The following GALNT2 variants were observed in gnomAD, a reference collection of about 807,000 sequenced individuals.
The protein encoded by GALNT2 is polypeptide N-acetylgalactosaminyltransferase 2.
GALNT2 carries 31 observed loss-of-function variants against 81.4 expected under a neutral mutation model. The observed-to-expected ratio is 0.38, with a 90% CI of 0.29 to 0.51. The LOEUF is 0.51. Among genes scored for constraint, GALNT2 ranks in the 20% least tolerant of loss-of-function variants. The probability of loss-of-function intolerance (pLI) is 0.87; values close to 1 mark genes in which losing one functional copy is unlikely to be tolerated. For missense variants in GALNT2, 629 were observed against 765.7 expected, an observed-to-expected ratio of 0.82 and a Z score of 2.11; for synonymous variants, 303 against 287.4, an observed-to-expected ratio of 1.05 and a Z score of -0.55.
rs573826164 is a variant in GALNT2 at position 230,141,739 on chromosome 1, A to G, written c.127-36479A>G. On this transcript the variant is annotated intron_variant, in intron 1 of 15. Transcript: ENST00000366672. ...GCTATTGTGAATAGTGCTGCTGTGAAATATGGGTATACAGATATCTCTTCA... is the reference window on the plus strand; with the variant it reads ...GCTATTGTGAATAGTGCTGCTGTGAGATATGGGTATACAGATATCTCTTCA... Among the ~76,000 whole-genome samples the G allele has an allele frequency of 7.3e-5, 11 of 151,096 alleles. No homozygotes were observed. In the South Asian group the frequency reaches 2.3e-3, roughly 32 times the overall value.
chr1:230,279,007 G>T lies in GALNT2; in HGVS notation c.1561-296G>T, dbSNP rs74525006. On this transcript the variant is annotated intron_variant, in intron 15 of 15. Coordinates refer to ENST00000366672, the MANE Select transcript of GALNT2 (RefSeq NM_004481.5). The surrounding 1 kb of genome is among the most constrained non-coding windows in gnomAD (Gnocchi z 4.6). ...AATCCTGTGTTAATGACGAAGGGGT[G>T]GGTGCCCAGAGCTCTGGGGCTCAGA... 0.011 allele frequency among the ~76,000 whole-genome samples: 1,717 copies of T among 152,196 alleles called. 37 individuals carry two copies. Among genetic ancestry groups the T allele is most frequent in the East Asian group, 0.075 (390 of 5,176 alleles).
chr1:230,147,935 C>T (rs1661973198), intron 1 of GALNT2, among the ~76,000 whole-genome samples: 4 of 152,152 alleles, frequency 2.6e-5, no homozygotes, highest in Admixed American at 2.6e-4. Flanking sequence ...AGCACACGTC[C>T]ACACCTTCAG....
intron 1 of GALNT2, among the ~76,000 whole-genome samples, chr1:230,083,582 C>T (rs891187668): frequency 1.3e-5 from 2 of 152,170 alleles, no homozygotes; most frequent in Non-Finnish European, 2.9e-5. Flanking sequence ...TGAAAGGTCA[C>T]CTGCAGCCCC....
At position 230,250,618 on chromosome 1, in the gene GALNT2, G is replaced by A. The variant is rs536757981; in HGVS notation, c.1009+58G>A. The A allele has an allele frequency of 2.6e-5, 35 of 1,324,494 alleles. No individual in the cohort carries two copies. The African/African-American group carries it at 4.7e-4, about 18-fold the overall frequency. 82.0% of individuals were successfully genotyped at this position (1,324,494 alleles called of 1,614,324 possible). ...AGTGCCTCAGCTCTGCAAAAGGCAG[G>A]GTGCCAATTGGAAAAAAAATTTAAA... On this transcript the variant is annotated intron_variant, in intron 10 of 15. Coordinates refer to ENST00000366672, the MANE Select transcript of GALNT2 (RefSeq NM_004481.5).
intron 1 of GALNT2, among the ~76,000 whole-genome samples, chr1:230,157,217 A>G (rs1662284608): frequency 1.3e-5 from 2 of 152,148 alleles, no homozygotes; most frequent in Admixed American, 1.3e-4. Flanking sequence ...ATGTGTGTGA[A>G]CCATTGAGCA....
chr1:230,263,861 C>T (rs1665953546), intron 13 of GALNT2: 1 of 152,272 alleles, frequency 6.6e-6, no homozygotes, highest in Admixed American at 6.5e-5. Flanking sequence ...ACAGCTCCTT[C>T]AGAGCCCTTG....
chr1:230,263,040 A>C lies in GALNT2; in HGVS notation c.1313+35A>C, dbSNP rs1200198547. The C allele has an allele frequency of 3.2e-6, 5 of 1,551,288 alleles. No individual in the cohort carries two copies. In the Admixed American group the frequency reaches 5.0e-5, roughly 16 times the overall value. On this transcript the variant is annotated intron_variant, in intron 13 of 15. Transcript: ENST00000366672. ...CAGGGATCTGGGGTTTCACTTTGTA[A>C]GGGCTTAGAAGCCAGTAAGGCCATA...
chr1:230,273,380 G>A (rs1666202771), intron 14 of GALNT2, among the ~76,000 whole-genome samples: 1 of 152,226 alleles, frequency 6.6e-6, no homozygotes, highest in Non-Finnish European at 1.5e-5. Flanking sequence ...GACAGACGGA[G>A]GGGAGGGCCA....
chr1:230,084,982 GC>G (rs1039872758), intron 1 of GALNT2, among the ~76,000 whole-genome samples: 14 of 152,118 alleles, frequency 9.2e-5, no homozygotes, highest in African/African-American at 3.1e-4. Context: ...TGTAAGTTAA[GC>G]CCTTAAATCC....
At chr1:230,238,672 G>C (rs1665105420) in intron 6 of GALNT2, among the ~76,000 whole-genome samples, 1 of 152,074 alleles carries the variant, frequency 6.6e-6, no homozygotes, top group South Asian at 2.1e-4. Flanking sequence ...GAAATACATT[G>C]GTTGATTTTC....
chr1:230,122,626 G>T (rs1419271329), intron 1 of GALNT2, among the ~76,000 whole-genome samples: 4 of 152,038 alleles, frequency 2.6e-5, no homozygotes, highest in African/African-American at 9.7e-5. Flanking sequence ...GTGTGTGTGT[G>T]TGTGTGCATG....
chr1:230,091,191 C>T (rs1660064704), intron 1 of GALNT2, among the ~76,000 whole-genome samples: 1 of 151,932 alleles, frequency 6.6e-6, no homozygotes. Context: ...GCCTCAGCCT[C>T]CCAAGTAGCT....
intron 5 of GALNT2, 85 bp from the exon 6 acceptor site, chr1:230,236,575 T>C: frequency 6.8e-7 from 1 of 1,462,682 alleles, no homozygotes; most frequent in South Asian, 1.2e-5. Flanking sequence ...TAATCGGCCC[T>C]TAGATGATTG....
chr1:230,164,881 A>G (rs971261363), intron 1 of GALNT2, among the ~76,000 whole-genome samples: 26 of 152,020 alleles, frequency 1.7e-4, no homozygotes, highest in African/African-American at 6.0e-4. Context: ...CTGAGATTCT[A>G]CAGTAGTGCC....
At position 230,222,031 on chromosome 1, in the gene GALNT2, C is replaced by CTTTTTTTTTTTTTTTTTTTTTTT. The variant is rs564681409; in HGVS notation, c.375-13970_375-13969insTTTTTTTTTTTTTTTTTTTTTTT. 6.4e-3 allele frequency among the ~76,000 whole-genome samples: 612 copies of CTTTTTTTTTTTTTTTTTTTTTTT among 96,012 alleles called. 127 individuals carry two copies. Among genetic ancestry groups the CTTTTTTTTTTTTTTTTTTTTTTT allele is most frequent in the East Asian group, 0.012 (25 of 2,054 alleles). 63.0% of individuals were successfully genotyped at this position (96,012 alleles called of 152,430 possible). A position where few individuals can be genotyped will look rare whatever the true frequency, so the allele number is the denominator to read the frequency against. ...TTTATATACATTTCACTGCTTTTCTCTTTTTTTTTTTTTGAGACAGAGTCT... is the reference window on the plus strand; with the variant it reads ...TTTATATACATTTCACTGCTTTTCTCTTTTTTTTTTTTTTTTTTTTTTTTTTTTTTTTTTTTGAGACAGAGTCT... On this transcript the variant is annotated intron_variant, in intron 3 of 15. Transcript: ENST00000366672.
intron 1 of GALNT2, among the ~76,000 whole-genome samples, chr1:230,076,744 G>A (rs1396045701): frequency 6.6e-6 from 1 of 152,126 alleles, no homozygotes; most frequent in Non-Finnish European, 1.5e-5. Context: ...TATCGGATTG[G>A]TAGGTACCAA....
chr1:230,181,465 C>A (rs1369509359), intron 2 of GALNT2, among the ~76,000 whole-genome samples: 1 of 151,992 alleles, frequency 6.6e-6, no homozygotes, highest in Non-Finnish European at 1.5e-5. Flanking sequence ...GTGTATAATT[C>A]TCTTTATACA....
chr1:230,140,456 CCCTGT>C (rs1661694805), intron 1 of GALNT2, among the ~76,000 whole-genome samples: 1 of 152,180 alleles, frequency 6.6e-6, no homozygotes, highest in Non-Finnish European at 1.5e-5. Flanking sequence ...AGAGAGTGGT[CCCTGT>C]CCTACTGAGG....
At chr1:230,235,213 CAAAAAAAAA>C (rs10532058) in intron 3 of GALNT2, among the ~76,000 whole-genome samples, 4 of 76,732 alleles carry the variant, frequency 5.2e-5, no homozygotes, top group African/African-American at 1.5e-4. Context: ...GACCCTGTCT[CAAAAAAAAA>C]AAAAAAAAAA....
Sources: gnomAD v4.1 joint callset for allele counts (sites outside exome capture counted in the v4.1 genomes callset) on GRCh38, gnomAD v4.1.1 for gene constraint, Gnocchi (gnomAD v3.1) non-coding constraint, MANE v1.5 for transcripts, NCBI Gene and HGNC (gene_info 2026-07-23, HGNC 2026-07-21) for gene names.